GMPS: variants seen among roughly 807,000 people sequenced by gnomAD.
The protein encoded by GMPS is guanosine monophosphate synthase, also known as GMP synthase [glutamine-hydrolyzing].
A neutral mutation model predicts 77.9 loss-of-function variants in GMPS; 15 were observed. The observed-to-expected ratio is 0.19, with a 90% CI of 0.13 to 0.30. The LOEUF (loss-of-function observed/expected upper bound fraction) is 0.30. GMPS is among the 10% of genes least tolerant of loss of function. The pLI, the probability that GMPS is intolerant of heterozygous loss-of-function variation, is 1.00. For synonymous variants in GMPS, 224 were observed against 275.9 expected (o/e 0.81, Z 1.86); for missense variants, 590 against 838.8 (o/e 0.70, Z 3.66).
chr3:155,914,891 C>T (rs1203480584), intron 8 of GMPS, among the ~76,000 whole-genome samples: 1 of 151,924 alleles, frequency 6.6e-6, no homozygotes, highest in Non-Finnish European at 1.5e-5. Flanking sequence ...GCCTCAGCCT[C>T]CTAAGTAGCT....
At chr3:155,916,753 G>A (rs1420256645) in intron 9 of GMPS, among the ~76,000 whole-genome samples, 1 of 152,102 alleles carries the variant, frequency 6.6e-6, no homozygotes, top group Non-Finnish European at 1.5e-5. Context: ...TTGTGGATAT[G>A]TGTTTTTATT....
At chr3:155,933,303 T>C (rs1263206404) in intron 13 of GMPS, among the ~76,000 whole-genome samples, 2 of 152,214 alleles carry the variant, frequency 1.3e-5, no homozygotes, top group Non-Finnish European at 2.9e-5. Context: ...GCCGGTTTTT[T>C]TCCTAATTTG....
At position 155,898,089 on chromosome 3, in the gene GMPS, T is replaced by C. The variant is rs1446463181; in HGVS notation, c.324+48T>C. On this transcript the variant is annotated intron_variant, in intron 3 of 15. Transcript: ENST00000496455. ...AAAGCTTACTTATATTTTATTCTGT[T>C]TGTGAGTCATACTGTATTAGTATTT... The C allele has an allele frequency of 4.5e-6, 4 of 884,420 alleles. No homozygotes were observed. The African/African-American group carries it at 4.9e-5, about 11-fold the overall frequency. 54.8% of individuals were successfully genotyped at this position (884,420 alleles called of 1,614,324 possible).
rs954214378 is a variant in GMPS at position 155,899,424 on chromosome 3, CTTCTT to C, written c.324+1391_324+1395del. Among the ~76,000 whole-genome samples, 18 of 118,286 alleles carry C rather than the reference CTTCTT, an allele frequency of 1.5e-4. No individual in the cohort carries two copies. The East Asian group carries it at 2.9e-3, about 19-fold the overall frequency. The allele number at this position is 118,286 out of a possible 152,430, so 77.6% of individuals were successfully genotyped here. On this transcript the variant is annotated intron_variant, in intron 3 of 15. Transcript: ENST00000496455. ...TACTGAGATCTTGAGATAAGATACT[CTTCTT>C]TTCTTTTTTTTTTTTCAATTACTTT...
Position 155,925,637 on chromosome 3 carries a change from TAGTC to T in GMPS, c.1560+274_1560+277del, listed in dbSNP as rs373113498. 3.3e-3 allele frequency among the ~76,000 whole-genome samples: 502 copies of T among 152,304 alleles called. 3 individuals carry two copies. The highest frequency in any genetic ancestry group is 2.3e-3 in the Non-Finnish European group (155 of 68,024). On this transcript the variant is annotated intron_variant, in intron 12 of 15. Coordinates refer to ENST00000496455, the MANE Select transcript of GMPS (RefSeq NM_003875.3). ...GGAGTGAATAGTTAATGGAACTAAA[TAGTC>T]AGGCTGAGATTTTGTAGTTTTGGAA...
chr3:155,899,197 C>T (rs1487942520), intron 3 of GMPS, among the ~76,000 whole-genome samples: 1 of 151,874 alleles, frequency 6.6e-6, no homozygotes, highest in African/African-American at 2.4e-5. Context: ...GAGAAACCCC[C>T]GTCTCTACTA....
At position 155,914,517 on chromosome 3, in the gene GMPS, A is replaced by T; in HGVS notation, c.985A>T (p.Met329Leu). Reference sequence around the variant, plus strand: ...GAAAAGAATTAGCAAAACGTTAAATATGACCACAAGTCCTGAAGAGAAAAG... The same window carrying T: ...GAAAAGAATTAGCAAAACGTTAAATTTGACCACAAGTCCTGAAGAGAAAAG... Reference protein sequence around the residue: ...PRKRISKTLNMTTSPEEKRKI... With the variant: ...PRKRISKTLNLTTSPEEKRKI... Residue 329 changes from methionine to leucine, a missense_variant, in exon 8 of 16, where the codon ATG becomes TTG. By Grantham distance (15) the Met-to-Leu change is conservative. Coordinates refer to ENST00000496455, the MANE Select transcript of GMPS (RefSeq NM_003875.3). 1 of 1,606,066 alleles carries T rather than the reference A, an allele frequency of 6.2e-7. No individual in the cohort carries two copies. The highest frequency in any genetic ancestry group is 2.2e-5 in the East Asian group (1 of 44,498).
At chr3:155,905,292 C>T (rs1052940761) in intron 4 of GMPS, among the ~76,000 whole-genome samples, 30 of 152,094 alleles carry the variant, frequency 2.0e-4, no homozygotes, top group African/African-American at 2.4e-4. Context: ...TGAGCCACCG[C>T]GCCTGGCCGT....
At chr3:155,918,196 TC>T (rs1755232640) in intron 9 of GMPS, among the ~76,000 whole-genome samples, 1 of 151,928 alleles carries the variant, frequency 6.6e-6, no homozygotes, top group Admixed American at 6.6e-5. Context: ...ATGCCTATAA[TC>T]CCAGCACTTT....
intron 3 of GMPS, among the ~76,000 whole-genome samples, chr3:155,899,726 G>A (rs1754687675): frequency 6.6e-6 from 1 of 151,932 alleles, no homozygotes; most frequent in Admixed American, 6.6e-5. Flanking sequence ...ATACATTTTC[G>A]ACTGCCCAAT....
chr3:155,870,451 A>AAGGGCGGGCCGCGGG (rs1753872349), upstream of GMPS: 1 of 185,476 alleles, frequency 5.4e-6, no homozygotes, highest in Non-Finnish European at 1.1e-5. Context: ...TCCTCCTCCC[A>AAGGGCGGGCCGCGGG]AGGGCGGGCC....
chr3:155,887,539 G>C (rs1438030554), intron 1 of GMPS, among the ~76,000 whole-genome samples: 3 of 152,150 alleles, frequency 2.0e-5, no homozygotes, highest in Non-Finnish European at 4.4e-5. Flanking sequence ...AAGGTGAGGA[G>C]GTGAATAGTT....
chr3:155,873,665 AGCTCTGTC>A (rs1469916794), intron 1 of GMPS, among the ~76,000 whole-genome samples: 1 of 24,030 alleles, frequency 4.2e-5, no homozygotes, highest in Admixed American at 4.8e-4. Flanking sequence ...GATGGAGTCT[AGCTCTGTC>A]GCCCAGGCTG....
intron 5 of GMPS, among the ~76,000 whole-genome samples, chr3:155,907,365 T>C (rs1284848640): frequency 2.0e-5 from 3 of 152,148 alleles, no homozygotes; most frequent in Admixed American, 1.3e-4. Context: ...AGTGGATAGC[T>C]TGAGGCCAGG....
intron 1 of GMPS, among the ~76,000 whole-genome samples, chr3:155,881,978 G>A (rs1468949146): frequency 6.6e-6 from 1 of 152,176 alleles, no homozygotes. Context: ...TGAGCTGGGA[G>A]GATTGCTTGA....
chr3:155,923,299 A>G (rs1206499191), intron 11 of GMPS, among the ~76,000 whole-genome samples: 1 of 152,200 alleles, frequency 6.6e-6, no homozygotes, highest in Non-Finnish European at 1.5e-5. Flanking sequence ...AGGACAAATC[A>G]TCATAAAGAA....
intron 12 of GMPS, among the ~76,000 whole-genome samples, chr3:155,929,242 G>C (rs1755538365): frequency 6.6e-6 from 1 of 150,974 alleles, no homozygotes. Context: ...ACTGGTGTGA[G>C]ATGGTATCTC....
At chr3:155,916,288 C>A in intron 9 of GMPS, 96 bp downstream of exon 9, 1 of 767,238 alleles carries the variant, frequency 1.3e-6, no homozygotes, top group South Asian at 1.7e-5. Context: ...ATTGCATAAC[C>A]ATCACCACAT....
At chr3:155,907,640 A>T (rs1437510962) in intron 5 of GMPS, among the ~76,000 whole-genome samples, 3 of 152,188 alleles carry the variant, frequency 2.0e-5, no homozygotes, top group Non-Finnish European at 2.9e-5. Flanking sequence ...CTTGTTTAAC[A>T]CTGGAAAAAG....
Sources: gnomAD v4.1 joint callset for allele counts (sites outside exome capture counted in the v4.1 genomes callset) on GRCh38, gnomAD v4.1.1 for gene constraint, MANE v1.5 for transcripts, NCBI Gene and HGNC (gene_info 2026-07-23, HGNC 2026-07-21) for gene names.